The following RSRC1 variants were observed in gnomAD, a reference collection of about 807,000 sequenced individuals.
RSRC1 encodes the protein arginine and serine rich coiled-coil 1, also known as serine/Arginine-related protein 53.
In RSRC1, 39 loss-of-function variants were observed where a neutral mutation model predicts 49.1. That is an observed-to-expected ratio of 0.79 (90% CI 0.61 to 1.04). The LOEUF is 1.04. Among genes scored for constraint, RSRC1 ranks in the 50% least tolerant of loss-of-function variants. The probability of loss-of-function intolerance (pLI) is 0.00; values close to 1 mark genes in which losing one functional copy is unlikely to be tolerated. For missense variants in RSRC1, 388 were observed against 402.4 expected (o/e 0.96, Z 0.31); for synonymous variants, 143 against 130.8 (o/e 1.09, Z -0.63).
chr3:158,357,190 C>G (rs1038279271), intron 6 of RSRC1, among the ~76,000 whole-genome samples: 6 of 152,112 alleles, frequency 3.9e-5, no homozygotes, highest in African/African-American at 1.2e-4. Context: ...CCCTCTTATA[C>G]ATTGTGTTAG....
chr3:158,296,429 T>TTG (rs147168544), intron 4 of RSRC1, among the ~76,000 whole-genome samples: 1,562 of 148,878 alleles, frequency 0.01, 10 homozygotes, highest in African/African-American at 0.015. Flanking sequence ...TAATTTTATT[T>TTG]TGTGTGTGTG....
rs71144445 is a variant in RSRC1 at position 158,180,804 on chromosome 3, C to CTT, written c.321-22251_321-22250dup. ...AGTCATAATTTGAAGGGATTATATG[C>CTT]TTTTTTTTTTTTTTTTTTGAGATGG... On this transcript the variant is annotated intron_variant, in intron 3 of 9. Transcript: ENST00000611884. 3.5e-3 allele frequency among the ~76,000 whole-genome samples: 379 copies of CTT among 107,368 alleles called. 5 individuals carry two copies. The highest frequency in any genetic ancestry group is 5.8e-3 in the East Asian group (21 of 3,624). 70.4% of individuals were successfully genotyped at this position (107,368 alleles called of 152,430 possible). A position where few individuals can be genotyped will look rare whatever the true frequency, so the allele number is the denominator to read the frequency against.
chr3:158,278,472 T>C (rs1725941148), intron 4 of RSRC1, among the ~76,000 whole-genome samples: 2 of 152,174 alleles, frequency 1.3e-5, no homozygotes, highest in Non-Finnish European at 2.9e-5. Flanking sequence ...CTATGCATAA[T>C]TTTCATGGAG....
At chr3:158,485,408 T>G (rs1381545964) in intron 7 of RSRC1, among the ~76,000 whole-genome samples, 1 of 152,150 alleles carries the variant, frequency 6.6e-6, no homozygotes, top group Non-Finnish European at 1.5e-5. Context: ...TCTTTTAAAA[T>G]CTAACACAAA....
At chr3:158,448,402 A>G (rs1736841905) in intron 6 of RSRC1, among the ~76,000 whole-genome samples, 2 of 152,046 alleles carry the variant, frequency 1.3e-5, no homozygotes. Context: ...TTGGGTAAGC[A>G]TCAGACAGCA....
intron 3 of RSRC1, among the ~76,000 whole-genome samples, chr3:158,200,197 C>T (rs1432157536): frequency 6.6e-6 from 1 of 152,036 alleles, no homozygotes; most frequent in Non-Finnish European, 1.5e-5. Context: ...GCCACCATGC[C>T]CAGCTAATTT....
chr3:158,514,352 T>A (rs1740375286), intron 7 of RSRC1, among the ~76,000 whole-genome samples: 1 of 152,226 alleles, frequency 6.6e-6, no homozygotes, highest in Non-Finnish European at 1.5e-5. Context: ...ACATCTTTAT[T>A]TCTGCCTTCA....
chr3:158,449,568 A>G (rs1736903895), intron 6 of RSRC1, among the ~76,000 whole-genome samples: 4 of 151,832 alleles, frequency 2.6e-5, no homozygotes, highest in Admixed American at 2.6e-4. Flanking sequence ...ATCGTGAGAA[A>G]TTTGTGTTCT....
At chr3:158,373,570 G>A (rs896436142) in intron 6 of RSRC1, among the ~76,000 whole-genome samples, 5 of 151,818 alleles carry the variant, frequency 3.3e-5, no homozygotes, top group African/African-American at 1.2e-4. Flanking sequence ...ACATTCCTGG[G>A]AGAAACATCA....
intron 7 of RSRC1, among the ~76,000 whole-genome samples, chr3:158,471,153 G>A (rs1473352479): frequency 1.3e-5 from 2 of 152,166 alleles, no homozygotes; most frequent in Non-Finnish European, 2.9e-5. Context: ...TGAGTCAAGG[G>A]CTCTTTTTGT....
chr3:158,198,755 T>A (rs1720826533), intron 3 of RSRC1, among the ~76,000 whole-genome samples: 1 of 152,136 alleles, frequency 6.6e-6, no homozygotes, highest in South Asian at 2.1e-4. Context: ...TCTGCGTCAC[T>A]CATGCTGGGA....
At chr3:158,347,078 G>C (rs1560004018) in intron 5 of RSRC1, among the ~76,000 whole-genome samples, 2 of 152,106 alleles carry the variant, frequency 1.3e-5, no homozygotes, top group African/African-American at 4.8e-5. Flanking sequence ...AATGTTTTAG[G>C]AAAAATAGGA....
intron 4 of RSRC1, among the ~76,000 whole-genome samples, chr3:158,242,934 A>G (rs969184208): frequency 3.3e-5 from 5 of 152,054 alleles, no homozygotes; most frequent in Admixed American, 6.5e-5. Flanking sequence ...AGTTCTTTGT[A>G]GATGCCGGAT....
intron 5 of RSRC1, among the ~76,000 whole-genome samples, chr3:158,306,633 C>T (rs983355842): frequency 1.3e-5 from 2 of 151,616 alleles, no homozygotes; most frequent in African/African-American, 2.4e-5. Context: ...CTCATAATTG[C>T]AAAAAACAAA....
chr3:158,318,238 AGTT>A (rs1472213791), intron 5 of RSRC1, among the ~76,000 whole-genome samples: 1 of 152,128 alleles, frequency 6.6e-6, no homozygotes, highest in Non-Finnish European at 1.5e-5. Flanking sequence ...CTCCATTAAA[AGTT>A]GTGATAGAGC....
At chr3:158,320,117 A>G (rs1426708039) in intron 5 of RSRC1, among the ~76,000 whole-genome samples, 1 of 152,228 alleles carries the variant, frequency 6.6e-6, no homozygotes, top group Non-Finnish European at 1.5e-5. Flanking sequence ...AAGTTTACAT[A>G]ATGTCCCTTG....
intron 6 of RSRC1, among the ~76,000 whole-genome samples, chr3:158,366,777 A>T (rs1034764438): frequency 2.6e-5 from 4 of 152,184 alleles, no homozygotes; most frequent in Non-Finnish European, 5.9e-5. Flanking sequence ...CTTCCTATCC[A>T]TGAGCATGGA....
chr3:158,250,691 T>C (rs1451247384), intron 4 of RSRC1, among the ~76,000 whole-genome samples: 2 of 152,226 alleles, frequency 1.3e-5, no homozygotes, highest in African/African-American at 4.8e-5. Flanking sequence ...TTGAGGTTAT[T>C]GAGTTCCTTA....
intron 7 of RSRC1, among the ~76,000 whole-genome samples, chr3:158,518,342 C>T (rs1215753118): frequency 6.8e-6 from 1 of 147,490 alleles, no homozygotes; most frequent in East Asian, 2.0e-4. Flanking sequence ...TAGAACTTTT[C>T]TGTAAATCTT....
Sources: allele counts gnomAD v4.1 joint callset (sites outside exome capture counted in the v4.1 genomes callset), GRCh38; gene constraint gnomAD v4.1.1; transcripts MANE v1.5; gene names NCBI Gene and HGNC (gene_info 2026-07-23, HGNC 2026-07-21).